The following VPS13B variants were observed in gnomAD, a reference collection of about 807,000 sequenced individuals.
VPS13B encodes intermembrane lipid transfer protein VPS13B.
Under a neutral mutation model 426.4 loss-of-function variants are expected in VPS13B, and 285 were observed. The ratio of observed to expected loss-of-function variants is 0.67; its 90% confidence interval spans 0.61 to 0.74. VPS13B has a LOEUF of 0.74. Among genes scored for constraint, VPS13B ranks in the 30% least tolerant of loss-of-function variants. The probability of loss-of-function intolerance (pLI) is 0.00; values close to 1 mark genes in which losing one functional copy is unlikely to be tolerated. For synonymous variants in VPS13B, 1,676 were observed against 1,676.4 expected, an observed-to-expected ratio of 1.00 and a Z score of 0.01; for missense variants, 4,537 against 4,782.6, an observed-to-expected ratio of 0.95 and a Z score of 1.51.
intron 33 of VPS13B, among the ~76,000 whole-genome samples, chr8:99,615,904 G>C (rs1828064753): frequency 6.6e-6 from 1 of 152,028 alleles, no homozygotes. Flanking sequence ...TGCGATGCTA[G>C]TATATATGTA....
intron 31 of VPS13B, among the ~76,000 whole-genome samples, chr8:99,571,650 ATT>A (rs1012849379): frequency 3.3e-5 from 5 of 151,974 alleles, no homozygotes; most frequent in African/African-American, 1.2e-4. Flanking sequence ...ATTTTAAGGT[ATT>A]TTTAATACAT....
intron 17 of VPS13B, among the ~76,000 whole-genome samples, chr8:99,219,623 A>AG: frequency 6.6e-6 from 1 of 152,210 alleles, no homozygotes; most frequent in East Asian, 1.9e-4. Context: ...AAAGGCAAAG[A>AG]GAGTGAGTGA....
intron 17 of VPS13B, among the ~76,000 whole-genome samples, chr8:99,247,051 A>G (rs1173316808): frequency 6.6e-6 from 1 of 152,080 alleles, no homozygotes; most frequent in Non-Finnish European, 1.5e-5. Flanking sequence ...TCAACCCCTA[A>G]TATAGTTAAT....
intron 36 of VPS13B, among the ~76,000 whole-genome samples, chr8:99,700,390 C>T (rs1242337676): frequency 6.6e-6 from 1 of 152,240 alleles, no homozygotes; most frequent in Non-Finnish European, 1.5e-5. Flanking sequence ...GCAATCTGTG[C>T]TTCAACAAGC....
At chr8:99,652,629 A>T (rs956524249) in intron 34 of VPS13B, among the ~76,000 whole-genome samples, 6 of 152,254 alleles carry the variant, frequency 3.9e-5, no homozygotes, top group African/African-American at 1.4e-4. Context: ...TTGAAAAATC[A>T]TAAAATGGCT....
At chr8:99,311,106 T>C (rs1435479486) in intron 19 of VPS13B, among the ~76,000 whole-genome samples, 2 of 152,176 alleles carry the variant, frequency 1.3e-5, no homozygotes, top group East Asian at 1.9e-4. Context: ...TTTGTTGATC[T>C]TTTCAAAAAA....
chr8:99,178,196 G>A (rs1309585947), intron 16 of VPS13B, among the ~76,000 whole-genome samples: 1 of 150,742 alleles, frequency 6.6e-6, no homozygotes, highest in East Asian at 1.9e-4. Flanking sequence ...TAGGGTACAT[G>A]TGCACATTGT....
intron 58 of VPS13B, among the ~76,000 whole-genome samples, chr8:99,867,049 ATGTCTC>A (rs1817145395): frequency 6.6e-6 from 1 of 152,192 alleles, no homozygotes; most frequent in South Asian, 2.1e-4. Context: ...ATAAACTTAA[ATGTCTC>A]TGTCAAAACC....
chr8:99,274,408 C>T (rs1452743148), intron 18 of VPS13B, 76 bp downstream of exon 18: 1 of 1,605,064 alleles, frequency 6.2e-7, no homozygotes, highest in Non-Finnish European at 8.5e-7. Context: ...AGGAGCGTTA[C>T]TGAAACAAGA....
chr8:99,300,500 T>C (rs1001517329), intron 19 of VPS13B, among the ~76,000 whole-genome samples: 5 of 152,166 alleles, frequency 3.3e-5, no homozygotes, highest in African/African-American at 1.2e-4. Context: ...AACCAGCGAG[T>C]AGTAGCTTAA....
rs778413172 is a variant in VPS13B at position 99,384,295 on chromosome 8, G to A, written c.2912G>A (p.Arg971Gln). Residue 971 changes from arginine (R) to glutamine (Q), a missense_variant, in exon 20 of 62, where the codon CGA (arginine) becomes CAA (glutamine). Arg to Gln is a conservative substitution (Grantham distance 43). Coordinates refer to ENST00000357162, the MANE Select transcript of VPS13B (RefSeq NM_152564.5). ...YTWLIYQPQK[R>Q]TSRHMQQQPV... Reference sequence around the variant, plus strand: ...TGGCTCATCTATCAGCCTCAGAAACGAACAAGTAGACATATGCAACAGGTA... The same window carrying A: ...TGGCTCATCTATCAGCCTCAGAAACAAACAAGTAGACATATGCAACAGGTA... 8.1e-6 allele frequency: 13 copies of A among 1,613,488 alleles called. No homozygotes were observed. The Admixed American group carries it at 1.3e-4, about 17-fold the overall frequency.
At position 99,581,108 on chromosome 8, in the gene VPS13B, G is replaced by C. The variant is rs575576724; in HGVS notation, c.5220+3475G>C. Among the ~76,000 whole-genome samples, 4 of 151,532 alleles carry C rather than the reference G, an allele frequency of 2.6e-5. No individual in the cohort carries two copies. The South Asian group carries it at 6.3e-4, about 24-fold the overall frequency. On this transcript the variant is annotated intron_variant, in intron 33 of 61. Coordinates refer to ENST00000357162, the MANE Select transcript of VPS13B (RefSeq NM_152564.5). ...TGAGGCAGGAGGATCACTTGAACCT[G>C]GGAGGTCGAGGCTGCAGTGAGCCAA...
In VPS13B at chr8:99,816,332, C is replaced by T. The variant is rs548889194; in HGVS notation, c.8098-1208C>T. Among the ~76,000 whole-genome samples the T allele has an allele frequency of 7.2e-5, 11 of 152,212 alleles. No individual in the cohort carries two copies. The East Asian group carries it at 2.1e-3, about 29-fold the overall frequency. ...GGTCAGGCTGGTCTCGAACTCCCGACCTCAGGTGATCCACCTGCCTTGGCC... is the reference window on the plus strand; with the variant it reads ...GGTCAGGCTGGTCTCGAACTCCCGATCTCAGGTGATCCACCTGCCTTGGCC... On this transcript the variant is annotated intron_variant, in intron 44 of 61. Transcript: ENST00000357162.
intron 19 of VPS13B, among the ~76,000 whole-genome samples, chr8:99,342,111 A>G (rs1435608571): frequency 2.6e-5 from 4 of 152,186 alleles, no homozygotes; most frequent in Non-Finnish European, 5.9e-5. Context: ...AAAAATTACT[A>G]TTTTTAATTG....
intron 25 of VPS13B, among the ~76,000 whole-genome samples, chr8:99,497,275 T>C (rs1401313474): frequency 7.1e-6 from 1 of 141,030 alleles, no homozygotes; most frequent in African/African-American, 2.5e-5. Flanking sequence ...TATGTATATA[T>C]TTATATATAC....
In VPS13B at chr8:99,276,727, T is replaced by G. The variant is rs544130723; in HGVS notation, c.2824+1473T>G. On this transcript the variant is annotated intron_variant, in intron 19 of 61. Transcript: ENST00000357162. ...GACTTTGTTAATGCCTATTTAATCATGTTCCTTAAATATATTGTTTAGTAA... is the reference window on the plus strand; with the variant it reads ...GACTTTGTTAATGCCTATTTAATCAGGTTCCTTAAATATATTGTTTAGTAA... Among the ~76,000 whole-genome samples, 5 of 152,296 alleles carry G rather than the reference T, an allele frequency of 3.3e-5. No homozygotes were observed. In the South Asian group the frequency reaches 1.0e-3, roughly 32 times the overall value.
At chr8:99,315,841 T>A (rs1809621079) in intron 19 of VPS13B, among the ~76,000 whole-genome samples, 1 of 152,192 alleles carries the variant, frequency 6.6e-6, no homozygotes, top group African/African-American at 2.4e-5. Context: ...AGAATTATTG[T>A]GTTCTTTGGG....
intron 55 of VPS13B, among the ~76,000 whole-genome samples, chr8:99,849,429 G>A (rs1379489600): frequency 6.6e-6 from 1 of 152,108 alleles, no homozygotes; most frequent in Non-Finnish European, 1.5e-5. Flanking sequence ...GGGGCAATAG[G>A]CATGAACAGA....
chr8:99,415,867 G>A (rs1234137950), intron 21 of VPS13B, among the ~76,000 whole-genome samples: 1 of 152,184 alleles, frequency 6.6e-6, no homozygotes, highest in Non-Finnish European at 1.5e-5. Context: ...GCTAGGAGGT[G>A]TCTCCCAGTC....
Sources: allele counts gnomAD v4.1 joint callset (sites outside exome capture counted in the v4.1 genomes callset), GRCh38; gene constraint gnomAD v4.1.1; transcripts MANE v1.5; gene names NCBI Gene and HGNC (gene_info 2026-07-23, HGNC 2026-07-21).